TMEFF1: variants seen among roughly 807,000 people sequenced by gnomAD.
TMEFF1 encodes the protein tomoregulin-1.
In TMEFF1, 20 loss-of-function variants were observed where a neutral mutation model predicts 47.5. The ratio of observed to expected loss-of-function variants is 0.42; its 90% CI spans 0.30 to 0.61. TMEFF1 has a LOEUF of 0.61. Among genes scored for constraint, TMEFF1 ranks in the 20% least tolerant of loss-of-function variants. The pLI, the probability that TMEFF1 is intolerant of heterozygous loss-of-function variation, is 0.19. For missense variants in TMEFF1, 411 were observed against 471.1 expected (o/e 0.87, Z 1.18); for synonymous variants, 162 against 166.3 (o/e 0.97, Z 0.20).
chr9:100,548,059 C>T (rs1481638849), intron 6 of TMEFF1, among the ~76,000 whole-genome samples, 167 bp downstream of exon 6: 1 of 150,838 alleles, frequency 6.6e-6, no homozygotes, highest in Non-Finnish European at 1.5e-5. Flanking sequence ...AGTTTTTTTT[C>T]ATTATTTTCA....
intron 1 of TMEFF1, among the ~76,000 whole-genome samples, chr9:100,474,076 G>T (rs1837173204): frequency 6.6e-6 from 1 of 151,716 alleles, no homozygotes; most frequent in South Asian, 2.1e-4. Flanking sequence ...TCGCGGGAGC[G>T]TGTGTTTGTG....
chr9:100,544,133 A>G (rs866354929), intron 5 of TMEFF1, among the ~76,000 whole-genome samples: 3 of 151,436 alleles, frequency 2.0e-5, no homozygotes, highest in East Asian at 3.9e-4. Context: ...CAGACTCCCT[A>G]CCTTAGGTGG....
chr9:100,480,083 A>G (rs568890677), intron 1 of TMEFF1, among the ~76,000 whole-genome samples: 4 of 152,202 alleles, frequency 2.6e-5, no homozygotes, highest in Non-Finnish European at 5.9e-5. Context: ...GAAGTTATGT[A>G]TCAATGTCGT....
chr9:100,530,127 C>A (rs1296113936), intron 5 of TMEFF1, among the ~76,000 whole-genome samples: 1 of 150,926 alleles, frequency 6.6e-6, no homozygotes, highest in South Asian at 2.1e-4. Context: ...ACTAAATGCC[C>A]ACAAGAGAAA....
At chr9:100,552,765 C>T (rs1041829467) in intron 7 of TMEFF1, among the ~76,000 whole-genome samples, 9 of 151,472 alleles carry the variant, frequency 5.9e-5, no homozygotes, top group South Asian at 2.1e-4. Context: ...GGGAGGCTGA[C>T]GTGGGAGAAT....
intron 5 of TMEFF1, among the ~76,000 whole-genome samples, chr9:100,529,320 C>T (rs993903807): frequency 1.3e-5 from 2 of 151,578 alleles, no homozygotes; most frequent in African/African-American, 4.9e-5. Context: ...AGTCAAGACT[C>T]ATCAGTGTGC....
chr9:100,553,886 T>C (rs1838870274), intron 7 of TMEFF1, among the ~76,000 whole-genome samples: 1 of 152,218 alleles, frequency 6.6e-6, no homozygotes, highest in African/African-American at 2.4e-5. Flanking sequence ...TGCACAAATC[T>C]TGACCAATGA....
chr9:100,497,320 C>CTTTTTTTTTTTTTTTTTTTTTTTTTTTTT (rs752427622), intron 1 of TMEFF1, among the ~76,000 whole-genome samples: 12 of 59,548 alleles, frequency 2.0e-4, no homozygotes, highest in East Asian at 1.1e-3. Context: ...CCACTCATGT[C>CTTTTTTTTTTTTTTTTTTTTTTTTTTTTT]TTTTTTTTTT....
chr9:100,517,169 G>A (rs1365201856), intron 5 of TMEFF1, among the ~76,000 whole-genome samples: 5 of 152,184 alleles, frequency 3.3e-5, no homozygotes, highest in Non-Finnish European at 5.9e-5. Context: ...TTTTAGAACA[G>A]TAAGGCTGCA....
chr9:100,493,437 A>G (rs1837593853), intron 1 of TMEFF1, among the ~76,000 whole-genome samples: 1 of 152,146 alleles, frequency 6.6e-6, no homozygotes, highest in Admixed American at 6.5e-5. Flanking sequence ...GCCTGAACCT[A>G]GTTGTTGCTG....
At chr9:100,567,152 C>A (rs986922225) in intron 8 of TMEFF1, among the ~76,000 whole-genome samples, 2 of 152,096 alleles carry the variant, frequency 1.3e-5, no homozygotes, top group African/African-American at 4.8e-5. Context: ...CTCTCCTCTC[C>A]CTCACCCCCT....
chr9:100,487,224 C>T (rs1837466654), intron 1 of TMEFF1, among the ~76,000 whole-genome samples: 1 of 151,894 alleles, frequency 6.6e-6, no homozygotes, highest in South Asian at 2.1e-4. Context: ...AGTACAGTAT[C>T]ACTATCTTGG....
chr9:100,573,643 C>T (rs781074044), intron 9 of TMEFF1, among the ~76,000 whole-genome samples: 1 of 152,222 alleles, frequency 6.6e-6, no homozygotes, highest in Non-Finnish European at 1.5e-5. Flanking sequence ...ATATCAAATA[C>T]AGATATTGGC....
rs542240113 is a variant in TMEFF1, at chr9:100,500,512, C to T, written c.306+1638C>T. On this transcript the variant is annotated intron_variant, in intron 2 of 9. Coordinates refer to ENST00000374879, the MANE Select transcript of TMEFF1 (RefSeq NM_003692.5). ...TCTTCAGGTTCACTAATCCTTTCTT[C>T]TGTCATCTCCATTCTTCCCATCCAG... Among the ~76,000 whole-genome samples the T allele has an allele frequency of 9.2e-5, 14 of 152,224 alleles. 1 individual carries two copies. In the South Asian group the frequency reaches 2.9e-3, roughly 32 times the overall value.
Position 100,473,838 on chromosome 9 carries a change from T to G in TMEFF1, c.196+98T>G. ...GGCCGGGCTGGGAAAGACCCCGTCG[T>G]GGGGGTCCCAGGGGTGGGCCCGAGG... On this transcript the variant is annotated intron_variant, in intron 1 of 9. Coordinates refer to ENST00000374879, the MANE Select transcript of TMEFF1 (RefSeq NM_003692.5). This position sits in a 1 kb window ranked among gnomAD's most constrained non-coding sequence, Gnocchi z 5.4. 2.2e-6 allele frequency: 3 copies of G among 1,339,370 alleles called. No individual in the cohort carries two copies. Among genetic ancestry groups the G allele is most frequent in the Non-Finnish European group, 2.9e-6 (3 of 1,033,290 alleles). 83.0% of individuals were successfully genotyped at this position (1,339,370 alleles called of 1,614,324 possible). A position where few individuals can be genotyped will look rare whatever the true frequency, so the allele number is the denominator to read the frequency against.
chr9:100,560,949 A>G (rs1245546237), intron 7 of TMEFF1, among the ~76,000 whole-genome samples: 1 of 152,150 alleles, frequency 6.6e-6, no homozygotes, highest in Non-Finnish European at 1.5e-5. Flanking sequence ...GAGTCCCTTA[A>G]TTTGCTCTCT....
intron 5 of TMEFF1, among the ~76,000 whole-genome samples, chr9:100,526,549 G>A (rs973308583): frequency 2.6e-5 from 4 of 151,620 alleles, no homozygotes; most frequent in Non-Finnish European, 5.9e-5. Context: ...GCTCATTTTT[G>A]TTTTCAGAGT....
intron 1 of TMEFF1, among the ~76,000 whole-genome samples, chr9:100,481,756 G>GTTTA (rs1162623610): frequency 2.0e-5 from 3 of 151,138 alleles, no homozygotes; most frequent in East Asian, 3.9e-4. Flanking sequence ...CAGGTTTTTT[G>GTTTA]TTTATTTATT....
chr9:100,476,812 T>A (rs191985312), intron 1 of TMEFF1, among the ~76,000 whole-genome samples: 1 of 151,216 alleles, frequency 6.6e-6, no homozygotes, highest in Non-Finnish European at 1.5e-5. Context: ...TTCTCCTGCC[T>A]CAGCCTCCCC....
Sources: allele counts gnomAD v4.1 joint callset (sites outside exome capture counted in the v4.1 genomes callset), GRCh38; gene constraint gnomAD v4.1.1; non-coding constraint Gnocchi (gnomAD v3.1); transcripts MANE v1.5; gene names NCBI Gene and HGNC (gene_info 2026-07-23, HGNC 2026-07-21).